LOC128125822: variants seen among roughly 807,000 people sequenced by gnomAD.
the LOC128125822 span, chr6:63,576,710 T>C: frequency 4.8e-6 from 3 of 619,242 alleles, no homozygotes; most frequent in Non-Finnish European, 8.4e-6. Flanking sequence ...GAATTGCTGC[T>C]TCTTGTTAGG....
At chr6:63,580,461 T>C in the LOC128125822 span, 1 of 274,152 alleles carries the variant, frequency 3.6e-6, no homozygotes, top group Non-Finnish European at 7.0e-6. Context: ...AGTTATGACT[T>C]GTTAAATCTA....
the LOC128125822 span, chr6:63,583,181 G>A: frequency 6.6e-6 from 1 of 152,132 alleles, no homozygotes; most frequent in African/African-American, 2.4e-5. Context: ...AAGGGAAGTG[G>A]AAGTATAAGT....
the LOC128125822 span, among the ~76,000 whole-genome samples, chr6:63,575,330 T>A: frequency 6.6e-6 from 1 of 152,204 alleles, no homozygotes; most frequent in African/African-American, 2.4e-5. Context: ...AATACTTTCC[T>A]TAGTGCCCTC....
chr6:63,579,699 A>C, the LOC128125822 span, among the ~76,000 whole-genome samples: 1 of 152,216 alleles, frequency 6.6e-6, no homozygotes, highest in African/African-American at 2.4e-5. Context: ...AACACATAGA[A>C]TATTTTGAGT....
the LOC128125822 span, chr6:63,578,523 T>C: frequency 6.2e-7 from 1 of 1,611,372 alleles, no homozygotes; most frequent in Non-Finnish European, 8.5e-7. Context: ...AAGGTATCCA[T>C]GTTCTTGTAA....
At chr6:63,576,341 A>G in the LOC128125822 span, 1 of 395,240 alleles carries the variant, frequency 2.5e-6, no homozygotes, top group Non-Finnish European at 4.5e-6. Flanking sequence ...GCTTTAGAAA[A>G]ATAGTTGTGT....
the LOC128125822 span, chr6:63,579,263 A>C: frequency 6.2e-7 from 1 of 1,610,004 alleles, no homozygotes; most frequent in Non-Finnish European, 8.5e-7. Context: ...CCAGAGCTCC[A>C]GTACTTGTTG....
the LOC128125822 span, among the ~76,000 whole-genome samples, chr6:63,574,862 CACTGTA>C: frequency 1.3e-5 from 2 of 152,120 alleles, no homozygotes; most frequent in African/African-American, 2.4e-5. Flanking sequence ...AATCTGTATT[CACTGTA>C]ACTGTGATGG....
the LOC128125822 span, among the ~76,000 whole-genome samples, chr6:63,574,319 CT>C: frequency 6.6e-6 from 1 of 152,182 alleles, no homozygotes; most frequent in African/African-American, 2.4e-5. Context: ...CTTTCCTCCT[CT>C]CCCTTCTTGT....
At chr6:63,578,887 T>C in the LOC128125822 span, 1 of 1,521,098 alleles carries the variant, frequency 6.6e-7, no homozygotes, top group Non-Finnish European at 8.8e-7. Context: ...TTAAATATTC[T>C]TCTGACTTAG....
the LOC128125822 span, among the ~76,000 whole-genome samples, chr6:63,574,307 C>T: frequency 6.6e-6 from 1 of 152,214 alleles, no homozygotes; most frequent in Non-Finnish European, 1.5e-5. Context: ...ACAGAGATTA[C>T]TCTTTCCTCC....
chr6:63,581,733 G>C, the LOC128125822 span: 1 of 152,060 alleles, frequency 6.6e-6, no homozygotes, highest in Admixed American at 6.5e-5. Flanking sequence ...GACAGCCTTG[G>C]TTTGTAAAGC....
At chr6:63,579,054 T>G in the LOC128125822 span, 1 of 1,548,720 alleles carries the variant, frequency 6.5e-7, no homozygotes, top group African/African-American at 1.4e-5. Context: ...AATTTGATTC[T>G]AGGTAAAAAT....
At chr6:63,579,155 A>G in the LOC128125822 span, 1 of 1,372,956 alleles carries the variant, frequency 7.3e-7, no homozygotes, top group South Asian at 1.5e-5. Context: ...TTAAATAGGA[A>G]GGGTGGTAGA....
chr6:63,577,912 A>G, the LOC128125822 span, among the ~76,000 whole-genome samples: 3 of 150,340 alleles, frequency 2.0e-5, no homozygotes, highest in South Asian at 4.2e-4. Context: ...GTAATATGTA[A>G]TTAGTAATAA....
chr6:63,578,607 T>C, the LOC128125822 span: 9 of 1,513,180 alleles, frequency 5.9e-6, no homozygotes, highest in South Asian at 1.3e-5. Flanking sequence ...CAAATAAATA[T>C]CTATTTAAGT....
At chr6:63,574,444 A>T in the LOC128125822 span, among the ~76,000 whole-genome samples, 2 of 152,162 alleles carry the variant, frequency 1.3e-5, no homozygotes, top group Non-Finnish European at 2.9e-5. Flanking sequence ...GGCGGAACAG[A>T]AATCTATCGG....
the LOC128125822 span, chr6:63,579,133 C>A: frequency 7.2e-7 from 1 of 1,380,260 alleles, no homozygotes; most frequent in South Asian, 1.5e-5. Context: ...CAACATTTGT[C>A]ATAGGTATTA....
chr6:63,579,270 G>A, the LOC128125822 span: 2 of 1,611,012 alleles, frequency 1.2e-6, no homozygotes, highest in Non-Finnish European at 1.7e-6. Flanking sequence ...TCCAGTACTT[G>A]TTGCCCTAGC....
Sources: allele counts gnomAD v4.1 joint callset (sites outside exome capture counted in the v4.1 genomes callset), GRCh38; gene constraint gnomAD v4.1.1; transcripts MANE v1.5.